Variants in PPP1R42 observed in about 807,000 individuals in gnomAD.
PPP1R42 encodes the protein leucine rich repeat containing 67.
A neutral mutation model predicts 31.0 loss-of-function variants in PPP1R42; 34 were observed. That is an observed-to-expected ratio of 1.10 (90% CI 0.83 to 1.46). PPP1R42 has a LOEUF of 1.46. Ranked by LOEUF, PPP1R42 falls within the 40% of genes most tolerant of loss-of-function variation. PPP1R42 has a pLI of 0.00. For synonymous variants in PPP1R42, 103 were observed against 109.8 expected, an observed-to-expected ratio of 0.94 and a Z score of 0.39; for missense variants, 268 against 303.0, an observed-to-expected ratio of 0.88 and a Z score of 0.86.
intron 2 of PPP1R42, among the ~76,000 whole-genome samples, chr8:67,015,307 G>A (rs962410811): frequency 7.9e-5 from 12 of 152,114 alleles, no homozygotes; most frequent in African/African-American, 1.4e-4. Flanking sequence ...GTGAGCCACC[G>A]CGCCCAGCCT....
rs1391823065 is a variant in PPP1R42 at position 66,971,126 on chromosome 8, T to A, written c.803-6792A>T. On this transcript the variant is annotated intron_variant, in intron 7 of 7. Coordinates refer to ENST00000685739, the MANE Select transcript of PPP1R42 (RefSeq NM_001364910.1). ...TAATAAACAGGAACTATATGATGCA[T>A]TGTTTTGAAGTTACCTGTAGCACAC... The A allele has an allele frequency of 2.0e-6, 3 of 1,519,580 alleles. No homozygotes were observed. In the African/African-American group the frequency reaches 4.2e-5, roughly 21 times the overall value. The allele number at this position is 1,519,580 out of a possible 1,614,324, so 94.1% of individuals were successfully genotyped here.
In PPP1R42 at chr8:66,984,962, C is replaced by A. The variant is rs1200257287; in HGVS notation, c.671-2782G>T. 4 of 1,554,440 alleles carry A rather than the reference C, an allele frequency of 2.6e-6. No homozygotes were observed. In the Admixed American group the frequency reaches 5.0e-5, roughly 20 times the overall value. On this transcript the variant is annotated intron_variant, in intron 6 of 7. Transcript: ENST00000685739. ...TTGTCAACTGGAGCATTGAGCTGGG[C>A]TGGATGTTCAACAAGATTTGTGATT...
chr8:66,971,605 T>C (rs1240031468), intron 7 of PPP1R42, among the ~76,000 whole-genome samples: 1 of 152,182 alleles, frequency 6.6e-6, no homozygotes, highest in East Asian at 1.9e-4. Context: ...CCACAGTGGC[T>C]GGCATATTCT....
Position 67,010,835 on chromosome 8 carries a change from T to C in PPP1R42, c.436-4A>G, listed in dbSNP as rs1253915549. On this transcript the variant is annotated splice_region_variant and splice_polypyrimidine_tract_variant and intron_variant, in intron 4 of 7. Coordinates refer to ENST00000685739, the MANE Select transcript of PPP1R42 (RefSeq NM_001364910.1). ...TATTCAATATACAGAGGGATTTCTGTAAGAAAAATAACGAAGTTAGCATTA... is the reference window on the plus strand; with the variant it reads ...TATTCAATATACAGAGGGATTTCTGCAAGAAAAATAACGAAGTTAGCATTA... 1 of 1,571,744 alleles carries C rather than the reference T, an allele frequency of 6.4e-7. No homozygotes were observed. The highest frequency in any genetic ancestry group is 8.6e-7 in the Non-Finnish European group (1 of 1,159,476).
intron 3 of PPP1R42, among the ~76,000 whole-genome samples, chr8:67,013,434 C>T (rs532207653): frequency 1.2e-4 from 18 of 151,698 alleles, no homozygotes; most frequent in East Asian, 1.2e-3. Context: ...GAAGATTTCA[C>T]GGCTAGACAC....
At chr8:66,975,916 T>G (rs1346787751) in intron 7 of PPP1R42, among the ~76,000 whole-genome samples, 1 of 152,176 alleles carries the variant, frequency 6.6e-6, no homozygotes, top group African/African-American at 2.4e-5. Flanking sequence ...TATATATGAT[T>G]GTTAACTATG....
intron 7 of PPP1R42, among the ~76,000 whole-genome samples, chr8:66,966,387 CTG>C (rs1214013384): frequency 6.6e-6 from 1 of 152,198 alleles, no homozygotes; most frequent in Non-Finnish European, 1.5e-5. Flanking sequence ...CTCATGGCAA[CTG>C]TGTGACGTTG....
At chr8:66,989,830 T>A (rs906754178) in intron 5 of PPP1R42, among the ~76,000 whole-genome samples, 6 of 152,318 alleles carry the variant, frequency 3.9e-5, no homozygotes, top group Admixed American at 3.9e-4. Flanking sequence ...ATATATGTCT[T>A]CATCTATAAC....
rs368617543 is a variant in PPP1R42 at position 66,977,536 on chromosome 8, C to T, written c.802+4513G>A. 2.3e-4 allele frequency among the ~76,000 whole-genome samples: 35 copies of T among 151,712 alleles called. No homozygotes were observed. In the East Asian group the frequency reaches 5.1e-3, roughly 22 times the overall value. The stretch of plus-strand genomic sequence containing the variant: ...TTCTTTCTTTTTTTAGATGGAGTCT[C>T]GCTCTGTTTCCCAGGCTGGAGTGCA... On this transcript the variant is annotated intron_variant, in intron 7 of 7. Transcript: ENST00000685739.
chr8:67,020,480 C>T (rs914691142), intron 1 of PPP1R42, among the ~76,000 whole-genome samples: 19 of 152,274 alleles, frequency 1.2e-4, no homozygotes, highest in East Asian at 9.7e-4. Context: ...GGAGTACAGG[C>T]GTGAGCCACT....
intron 7 of PPP1R42, 88 bp downstream of exon 7, chr8:66,981,961 A>G: frequency 8.1e-7 from 1 of 1,232,740 alleles, no homozygotes; most frequent in Non-Finnish European, 1.0e-6. Context: ...ACTAAACAAA[A>G]ACTATTTTAT....
intron 7 of PPP1R42, among the ~76,000 whole-genome samples, chr8:66,974,566 T>A (rs1814619875): frequency 6.6e-6 from 1 of 151,918 alleles, no homozygotes; most frequent in Non-Finnish European, 1.5e-5. Flanking sequence ...GAAAAAAAAA[T>A]AAAAGCCATC....
chr8:66,970,129 A>G (rs1238446835), intron 7 of PPP1R42, among the ~76,000 whole-genome samples: 1 of 151,382 alleles, frequency 6.6e-6, no homozygotes, highest in Non-Finnish European at 1.5e-5. Flanking sequence ...TGGTATGGGT[A>G]TTTATTTATT....
rs1182985028 is a variant in PPP1R42, at chr8:67,010,765, C to T, written c.502G>A (p.Glu168Lys). The T allele has an allele frequency of 2.5e-6, 4 of 1,608,064 alleles. No homozygotes were observed. Among genetic ancestry groups the T allele is most frequent in the South Asian group, 2.2e-5 (2 of 88,998 alleles). The change falls in exon 5 of 8, where the codon GAG becomes AAG. Residue 168 changes from glutamate to lysine, a missense_variant. Coordinates refer to ENST00000685739, the MANE Select transcript of PPP1R42 (RefSeq NM_001364910.1). ...ACGGCTATGAGCTGATTAAGATTCT[C>T]TAGTAGTTCTAAGTCTGTAATGTCA... ...IDDITDLELL[E>K]NLNQLIAVDN...
intron 5 of PPP1R42, among the ~76,000 whole-genome samples, chr8:66,992,157 G>A (rs745947223): frequency 2.0e-5 from 3 of 152,086 alleles, no homozygotes; most frequent in Non-Finnish European, 4.4e-5. Context: ...GTGATTCTAC[G>A]TTCTTGCATG....
intron 5 of PPP1R42, among the ~76,000 whole-genome samples, chr8:66,989,245 A>G (rs1815120565): frequency 6.6e-6 from 1 of 152,306 alleles, no homozygotes; most frequent in South Asian, 2.1e-4. Context: ...AAGTTATTCC[A>G]TGGTCTACAA....
chr8:66,985,476 A>C (rs140551220), intron 6 of PPP1R42: 1 of 981,668 alleles, frequency 1.0e-6, no homozygotes, highest in African/African-American at 1.6e-5. Flanking sequence ...GTGTAGGTTT[A>C]ATTTGGTCTT....
At chr8:66,982,296 T>C (rs1814864986) in intron 6 of PPP1R42, 116 bp from the exon 7 acceptor site, 2 of 463,258 alleles carry the variant, frequency 4.3e-6, no homozygotes, top group African/African-American at 4.0e-5. Flanking sequence ...CTGAAATAAA[T>C]TTGTTTTTAA....
In PPP1R42 at chr8:67,010,792, C is replaced by G; in HGVS notation, c.475G>C (p.Asp159His). The G allele has an allele frequency of 6.2e-7, 1 of 1,604,492 alleles. No homozygotes were observed. Among genetic ancestry groups the G allele is most frequent in the East Asian group, 2.2e-5 (1 of 44,668 alleles). ...CILNISNNNI[D>H]DITDLELLEN... Reference sequence around the variant, plus strand: ...AGTAGTTCTAAGTCTGTAATGTCATCAATATTATTATTGCTGATATTCAAT... The same window carrying G: ...AGTAGTTCTAAGTCTGTAATGTCATGAATATTATTATTGCTGATATTCAAT... The change falls in exon 5 of 8, where the codon GAT (aspartate) becomes CAT (histidine). Residue 159 changes from aspartate (D) to histidine (H), a missense_variant. By Grantham distance (81) the Asp-to-His change is moderately conservative (BLOSUM62 -1). Transcript: ENST00000685739.
Sources: gnomAD v4.1 joint callset for allele counts (sites outside exome capture counted in the v4.1 genomes callset) on GRCh38, gnomAD v4.1.1 for gene constraint, MANE v1.5 for transcripts, NCBI Gene and HGNC (gene_info 2026-07-23, HGNC 2026-07-21) for gene names.